WARS2: variants seen among roughly 807,000 people sequenced by gnomAD.
WARS2 encodes tryptophanyl tRNA synthetase 2, mitochondrial.
A neutral mutation model predicts 36.5 loss-of-function variants in WARS2; 28 were observed. The ratio of observed to expected loss-of-function variants is 0.77; its 90% CI spans 0.57 to 1.05. WARS2 has a LOEUF of 1.05. Among genes scored for constraint, WARS2 ranks in the 50% least tolerant of loss-of-function variants. The pLI is 0.00. For missense variants in WARS2, 435 were observed against 456.8 expected, an observed-to-expected ratio of 0.95 and a Z score of 0.44; for synonymous variants, 174 against 178.4, an observed-to-expected ratio of 0.98 and a Z score of 0.20.
At position 119,070,414 on chromosome 1, in the gene WARS2, C is replaced by T. The variant is rs532297952; in HGVS notation, c.348+5936G>A. On this transcript the variant is annotated intron_variant, in intron 2 of 5. Transcript: ENST00000235521. ...CCAAGTAGCTGGGACCACAGGCGTG[C>T]GACACCACGCCTGGCTAATTTTTTA... Among the ~76,000 whole-genome samples, 14 of 152,014 alleles carry T rather than the reference C, an allele frequency of 9.2e-5. No homozygotes were observed. The South Asian group carries it at 1.7e-3, about 18-fold the overall frequency.
chr1:119,132,294 C>T (rs1029738557), intron 1 of WARS2, among the ~76,000 whole-genome samples: 1 of 152,116 alleles, frequency 6.6e-6, no homozygotes, highest in Non-Finnish European at 1.5e-5. Context: ...TGTCTCATAG[C>T]TTAGTGGCAT....
At chr1:119,140,001 C>T (rs1571420732) in intron 1 of WARS2, 1 of 152,390 alleles carries the variant, frequency 6.6e-6, no homozygotes. Context: ...TGCGGTCACT[C>T]TTTCACAGCC....
chr1:119,060,654 C>T (rs1008782378), intron 2 of WARS2, among the ~76,000 whole-genome samples: 1 of 152,104 alleles, frequency 6.6e-6, no homozygotes, highest in Admixed American at 6.6e-5. Flanking sequence ...GGAGAACAAT[C>T]GAAAGCAGGC....
At chr1:119,055,548 A>G (rs1557946143) in intron 2 of WARS2, among the ~76,000 whole-genome samples, 1 of 152,200 alleles carries the variant, frequency 6.6e-6, no homozygotes, top group East Asian at 1.9e-4. Flanking sequence ...AGGCTGAGGC[A>G]CAAGATTCAC....
At chr1:119,044,107 T>C (rs913948667) in intron 3 of WARS2, among the ~76,000 whole-genome samples, 2 of 152,190 alleles carry the variant, frequency 1.3e-5, no homozygotes, top group African/African-American at 4.8e-5. Flanking sequence ...CTAGCACCTA[T>C]TATGACATAA....
intron 1 of WARS2, among the ~76,000 whole-genome samples, chr1:119,119,444 G>C (rs1229454334): frequency 2.0e-5 from 3 of 151,770 alleles, no homozygotes; most frequent in Non-Finnish European, 4.4e-5. Flanking sequence ...TAAGAAATGA[G>C]ATAGACACAA....
Position 119,076,560 on chromosome 1 carries a change from G to A in WARS2, c.138C>T (p.Ile46=). 6.2e-7 allele frequency: 1 copy of A among 1,614,140 alleles called. No individual in the cohort carries two copies. The highest frequency in any genetic ancestry group is 8.5e-7 in the Non-Finnish European group (1 of 1,180,014). ...RVFSGIQPTG[I]LHLGNYLGAI... ...CTCCCAGGTAATTGCCCAGGTGGAG[G>A]ATTCCTGTAGGTTGAATGCCGGAAA... The change falls in exon 2 of 6, where the codon ATC becomes ATT. Residue 46 remains isoleucine, a synonymous_variant. Coordinates refer to ENST00000235521, the MANE Select transcript of WARS2 (RefSeq NM_015836.4).
At chr1:119,039,749 T>C (rs920025692) in intron 4 of WARS2, among the ~76,000 whole-genome samples, 2 of 152,210 alleles carry the variant, frequency 1.3e-5, no homozygotes, top group Non-Finnish European at 2.9e-5. Context: ...CTTTCTATTA[T>C]GTTTGTTTTC....
In WARS2 at chr1:119,033,180, C is replaced by T. The variant is rs553905810; in HGVS notation, c.814G>A (p.Val272Met). The T allele has an allele frequency of 1.1e-5, 17 of 1,614,192 alleles. No individual in the cohort carries two copies. Among genetic ancestry groups the T allele is most frequent in the Middle Eastern group, 1.6e-4 (1 of 6,062 alleles). The change falls in exon 6 of 6, where the codon GTG (valine) becomes ATG (methionine). Residue 272 changes from valine to methionine, a missense_variant. Val to Met is a conservative substitution (Grantham distance 21, BLOSUM62 1). Coordinates refer to ENST00000235521, the MANE Select transcript of WARS2 (RefSeq NM_015836.4). The stretch of plus-strand genomic sequence containing the variant: ...GCATGCACCGCCACTATGTTGGACA[C>T]GCCAGCGCGGCCAGCCGGGTCATAG... ...VTYDPAGRAG[V>M]SNIVAVHAAV...
chr1:119,127,198 C>A, intron 1 of WARS2: 1 of 727,942 alleles, frequency 1.4e-6, no homozygotes, highest in Non-Finnish European at 2.5e-6. Flanking sequence ...GCTTTCACAT[C>A]ATACCAATCC....
chr1:119,066,379 G>A (rs1263688502), intron 2 of WARS2, among the ~76,000 whole-genome samples: 7 of 150,970 alleles, frequency 4.6e-5, no homozygotes, highest in African/African-American at 1.5e-4. Context: ...TCGGGAGGCC[G>A]AGGCAGGAGA....
chr1:119,040,094 C>G (rs1466118743), intron 4 of WARS2, among the ~76,000 whole-genome samples: 1 of 152,218 alleles, frequency 6.6e-6, no homozygotes, highest in Non-Finnish European at 1.5e-5. Context: ...TAAATCCTGA[C>G]TCTGCTACTT....
intron 2 of WARS2, among the ~76,000 whole-genome samples, chr1:119,065,747 A>G (rs1040642080): frequency 6.6e-6 from 1 of 152,190 alleles, no homozygotes; most frequent in Non-Finnish European, 1.5e-5. Context: ...ATTTATCAAG[A>G]GGAAACAAAG....
intron 5 of WARS2, 45 bp downstream of exon 5, chr1:119,034,050 C>G: frequency 6.4e-7 from 1 of 1,553,346 alleles, no homozygotes; most frequent in Non-Finnish European, 8.9e-7. Flanking sequence ...CCAATCCTCT[C>G]TTTAGAATAT....
At chr1:119,115,901 A>G (rs890480042) in intron 1 of WARS2, among the ~76,000 whole-genome samples, 12 of 152,198 alleles carry the variant, frequency 7.9e-5, no homozygotes, top group African/African-American at 2.9e-4. Flanking sequence ...ATTTCCTTCA[A>G]AACATTAACC....
chr1:119,089,074 C>T (rs761413866), intron 1 of WARS2, among the ~76,000 whole-genome samples: 1 of 152,180 alleles, frequency 6.6e-6, no homozygotes, highest in African/African-American at 2.4e-5. Flanking sequence ...TGATATAATT[C>T]CCTATCTCAA....
intron 1 of WARS2, among the ~76,000 whole-genome samples, chr1:119,108,657 G>T (rs1654410360): frequency 6.6e-6 from 1 of 151,814 alleles, no homozygotes; most frequent in African/African-American, 2.4e-5. Context: ...ACTTTTCAAA[G>T]AACTAGTTTT....
At chr1:119,080,649 C>T (rs1652115778) in intron 1 of WARS2, among the ~76,000 whole-genome samples, 1 of 152,162 alleles carries the variant, frequency 6.6e-6, no homozygotes, top group Non-Finnish European at 1.5e-5. Context: ...GTTTATGTTC[C>T]CGTCTGTTCC....
intron 1 of WARS2, among the ~76,000 whole-genome samples, chr1:119,128,934 T>C (rs1655889435): frequency 6.6e-6 from 1 of 152,150 alleles, no homozygotes; most frequent in Non-Finnish European, 1.5e-5. Context: ...TCAATCAAAA[T>C]TAAGGAAATA....
Sources: allele counts gnomAD v4.1 joint callset (sites outside exome capture counted in the v4.1 genomes callset), GRCh38; gene constraint gnomAD v4.1.1; transcripts MANE v1.5; gene names NCBI Gene and HGNC (gene_info 2026-07-23, HGNC 2026-07-21).